Variants in PTPRD observed in about 807,000 individuals in gnomAD.
PTPRD encodes receptor-type tyrosine-protein phosphatase delta.
In PTPRD, 34 loss-of-function variants were observed where a neutral mutation model predicts 214.5. That is an observed-to-expected ratio of 0.16 (90% confidence interval 0.12 to 0.21). The LOEUF is 0.21. Ranked by LOEUF, PTPRD falls within the 10% of genes least tolerant of loss-of-function variation. The probability of loss-of-function intolerance (pLI) is 1.00; values close to 1 mark genes in which losing one functional copy is unlikely to be tolerated. For missense variants in PTPRD, 2,545 were observed against 2,398.7 expected (o/e 1.06, Z -1.27); for synonymous variants, 1,128 against 845.7 (o/e 1.33, Z -5.79).
At chr9:10,605,740 A>C in intron 2 of PTPRD, among the ~76,000 whole-genome samples, 1 of 151,918 alleles carries the variant, frequency 6.6e-6, no homozygotes, top group Non-Finnish European at 1.5e-5. Flanking sequence ...ATTTTATGAT[A>C]ACGTGGATAC....
chr9:9,276,152 T>C (rs1274996118), intron 9 of PTPRD, among the ~76,000 whole-genome samples: 1 of 151,230 alleles, frequency 6.6e-6, no homozygotes, highest in African/African-American at 2.4e-5. Flanking sequence ...TTTTGGCCTG[T>C]TTAGTAATTT....
At chr9:9,406,891 T>G (rs537332207) in intron 8 of PTPRD, among the ~76,000 whole-genome samples, 1 of 151,634 alleles carries the variant, frequency 6.6e-6, no homozygotes, top group African/African-American at 2.4e-5. Flanking sequence ...AAAAGGCATT[T>G]TTTTCTGATT....
chr9:9,070,266 T>C lies in PTPRD; in HGVS notation c.-142-51531A>G, dbSNP rs74786135. Among the ~76,000 whole-genome samples, 8 of 152,346 alleles carry C rather than the reference T, an allele frequency of 5.3e-5. No homozygotes were observed. In the East Asian group the frequency reaches 1.5e-3, roughly 29 times the overall value. ...GCCAACTTGTCAAGGAGTAAATCAA[T>C]GTGATTTTCACAAAGCCAGTTTTAC... On this transcript the variant is annotated intron_variant, in intron 10 of 45. Coordinates refer to ENST00000381196, the MANE Select transcript of PTPRD (RefSeq NM_002839.4).
At chr9:9,804,483 C>A (rs1396861654) in intron 5 of PTPRD, among the ~76,000 whole-genome samples, 1 of 152,046 alleles carries the variant, frequency 6.6e-6, no homozygotes, top group African/African-American at 2.4e-5. Flanking sequence ...TTTTATATGG[C>A]TTTTAACAAC....
intron 8 of PTPRD, among the ~76,000 whole-genome samples, chr9:9,522,508 A>T (rs2154256011): frequency 6.6e-6 from 1 of 152,216 alleles, no homozygotes; most frequent in African/African-American, 2.4e-5. Context: ...ACCCCCAAAA[A>T]GCTTTAAATT....
At chr9:9,785,289 G>A in intron 5 of PTPRD, among the ~76,000 whole-genome samples, 1 of 151,910 alleles carries the variant, frequency 6.6e-6, no homozygotes. Flanking sequence ...GGGTGAAGCA[G>A]GATATTTGCA....
At chr9:8,332,189 A>C (rs929580843) in intron 43 of PTPRD, among the ~76,000 whole-genome samples, 4 of 152,190 alleles carry the variant, frequency 2.6e-5, no homozygotes, top group Non-Finnish European at 4.4e-5. Context: ...GCACCTAGGC[A>C]TGTCATCCAG....
intron 7 of PTPRD, among the ~76,000 whole-genome samples, chr9:9,727,825 C>T (rs2098120266): frequency 6.6e-6 from 1 of 152,150 alleles, no homozygotes. Context: ...AGGTATGTAA[C>T]CTCTCAAGTT....
chr9:8,735,029 G>A (rs773053357), intron 11 of PTPRD, among the ~76,000 whole-genome samples: 1 of 152,088 alleles, frequency 6.6e-6, no homozygotes, highest in Admixed American at 6.5e-5. Flanking sequence ...GCATGCACGG[G>A]GCCCCCTGGA....
At chr9:10,145,642 T>C (rs550244225) in intron 3 of PTPRD, among the ~76,000 whole-genome samples, 1 of 152,270 alleles carries the variant, frequency 6.6e-6, no homozygotes, top group South Asian at 2.1e-4. Context: ...TAAAAACTTA[T>C]ACATGGATTT....
At chr9:9,205,285 A>T (rs749743631) in intron 9 of PTPRD, among the ~76,000 whole-genome samples, 7 of 152,154 alleles carry the variant, frequency 4.6e-5, no homozygotes, top group Non-Finnish European at 7.4e-5. Flanking sequence ...AACTTAAACC[A>T]GTGTCTTTTG....
intron 9 of PTPRD, among the ~76,000 whole-genome samples, chr9:9,268,162 G>A (rs908956028): frequency 6.0e-5 from 9 of 151,134 alleles, no homozygotes; most frequent in African/African-American, 1.9e-4. Context: ...TAAATTCAGT[G>A]AAGTCGCAGG....
intron 11 of PTPRD, among the ~76,000 whole-genome samples, chr9:8,838,831 A>G (rs2097496605): frequency 6.6e-6 from 1 of 152,172 alleles, no homozygotes; most frequent in Admixed American, 6.5e-5. Context: ...TGAGAGAAAC[A>G]AAACACCAAA....
intron 5 of PTPRD, among the ~76,000 whole-genome samples, chr9:9,849,855 G>A (rs1211890536): frequency 6.6e-6 from 1 of 152,110 alleles, no homozygotes; most frequent in Non-Finnish European, 1.5e-5. Flanking sequence ...TGAAACTGTA[G>A]TAGTTAGGTA....
chr9:9,674,997 A>G (rs1267622932), intron 7 of PTPRD, among the ~76,000 whole-genome samples: 1 of 151,872 alleles, frequency 6.6e-6, no homozygotes, highest in Non-Finnish European at 1.5e-5. Context: ...GATACATAGA[A>G]TTCTAGATAA....
intron 36 of PTPRD, among the ~76,000 whole-genome samples, chr9:8,399,113 T>TTTC (rs71317363): frequency 2.0e-5 from 3 of 146,794 alleles, no homozygotes; most frequent in South Asian, 2.3e-4. Context: ...TTTTTTTTTT[T>TTTC]CCTTGAAGAA....
chr9:9,437,551 T>G (rs1588411315), intron 8 of PTPRD, among the ~76,000 whole-genome samples: 1 of 152,154 alleles, frequency 6.6e-6, no homozygotes, highest in African/African-American at 2.4e-5. Context: ...ATTTTTCTGT[T>G]TTAGTAGTCC....
intron 3 of PTPRD, among the ~76,000 whole-genome samples, chr9:10,260,950 A>C (rs1010412024): frequency 1.4e-5 from 2 of 146,644 alleles, no homozygotes; most frequent in African/African-American, 5.3e-5. Flanking sequence ...GGGCATATAT[A>C]CATGTGTGTG....
rs564090624 is a variant in PTPRD, at chr9:10,156,491, T to C, written c.-544-122701A>G. On this transcript the variant is annotated intron_variant, in intron 3 of 45. Coordinates refer to ENST00000381196, the MANE Select transcript of PTPRD (RefSeq NM_002839.4). ...ATTTCTAATTTTATTGTGTGTGCTG[T>C]GGTCCAAGAGAGTTGTTATGGGTTC... Among the ~76,000 whole-genome samples, 28 of 152,328 alleles carry C rather than the reference T, an allele frequency of 1.8e-4. No homozygotes were observed. In the South Asian group the frequency reaches 5.8e-3, roughly 32 times the overall value.
Sources: gnomAD v4.1 joint callset for allele counts (sites outside exome capture counted in the v4.1 genomes callset) on GRCh38, gnomAD v4.1.1 for gene constraint, MANE v1.5 for transcripts, NCBI Gene and HGNC (gene_info 2026-07-23, HGNC 2026-07-21) for gene names.